Variants in PXDNL observed in about 807,000 individuals in gnomAD.
The protein encoded by PXDNL is probable oxidoreductase PXDNL.
Under a neutral mutation model 150.8 loss-of-function variants are expected in PXDNL, and 145 were observed. The observed-to-expected ratio is 0.96, with a 90% CI of 0.84 to 1.10. The LOEUF (loss-of-function observed/expected upper bound fraction) is 1.10. PXDNL is among the 50% of genes least tolerant of loss of function. PXDNL has a pLI of 0.00. For missense variants in PXDNL, 2,087 were observed against 1,873.9 expected, an observed-to-expected ratio of 1.11 and a Z score of -2.10; for synonymous variants, 757 against 725.7, an observed-to-expected ratio of 1.04 and a Z score of -0.69.
intron 1 of PXDNL, among the ~76,000 whole-genome samples, chr8:51,749,342 A>T (rs2037018161): frequency 6.6e-6 from 1 of 152,188 alleles, no homozygotes; most frequent in African/African-American, 2.4e-5. Flanking sequence ...CACATCATAG[A>T]GTGTCCTTAC....
intron 8 of PXDNL, among the ~76,000 whole-genome samples, chr8:51,470,268 G>T (rs937125174): frequency 6.6e-6 from 1 of 151,938 alleles, no homozygotes; most frequent in Non-Finnish European, 1.5e-5. Context: ...ATTCATAATT[G>T]CCTTCTATAC....
chr8:51,501,847 G>A (rs1273937989), intron 4 of PXDNL, among the ~76,000 whole-genome samples: 1 of 152,220 alleles, frequency 6.6e-6, no homozygotes, highest in African/African-American at 2.4e-5. Flanking sequence ...GGCAGAGACT[G>A]GCTGCTGAAA....
intron 12 of PXDNL, among the ~76,000 whole-genome samples, chr8:51,446,151 C>T (rs1016349510): frequency 6.6e-6 from 1 of 152,170 alleles, no homozygotes; most frequent in Non-Finnish European, 1.5e-5. Context: ...GCATCATGAA[C>T]ATGTCAGCAT....
At chr8:51,692,239 A>G (rs1469867368) in intron 1 of PXDNL, among the ~76,000 whole-genome samples, 2 of 152,220 alleles carry the variant, frequency 1.3e-5, no homozygotes, top group East Asian at 3.9e-4. Context: ...TCCAATACCA[A>G]TTAGATTTGC....
chr8:51,461,513 CA>C (rs1436586957), intron 8 of PXDNL, among the ~76,000 whole-genome samples: 2 of 152,178 alleles, frequency 1.3e-5, no homozygotes, highest in Non-Finnish European at 2.9e-5. Flanking sequence ...ATCTGCTGGG[CA>C]AAAAACCCAA....
intron 4 of PXDNL, among the ~76,000 whole-genome samples, chr8:51,530,027 C>T (rs1811860619): frequency 1.3e-5 from 2 of 152,200 alleles, no homozygotes; most frequent in African/African-American, 2.4e-5. Context: ...TGAGGAAGCA[C>T]TCATCTAGGC....
At chr8:51,441,106 T>C (rs927090543) in intron 12 of PXDNL, among the ~76,000 whole-genome samples, 8 of 152,174 alleles carry the variant, frequency 5.3e-5, no homozygotes, top group African/African-American at 1.9e-4. Flanking sequence ...TCTGCCATAC[T>C]GTTCTAGTAA....
intron 17 of PXDNL, among the ~76,000 whole-genome samples, chr8:51,394,555 C>A (rs924347802): frequency 1.3e-5 from 2 of 152,156 alleles, no homozygotes; most frequent in Non-Finnish European, 2.9e-5. Context: ...GGCTAGTATA[C>A]CCTTGGACTT....
intron 1 of PXDNL, among the ~76,000 whole-genome samples, chr8:51,793,918 GA>G (rs200061972): frequency 1.3e-5 from 2 of 151,128 alleles, no homozygotes; most frequent in Non-Finnish European, 3.0e-5. Flanking sequence ...ACAAAAGATG[GA>G]AAAAAAAGTT....
intron 1 of PXDNL, among the ~76,000 whole-genome samples, chr8:51,723,702 G>C (rs1279350514): frequency 6.6e-6 from 1 of 152,220 alleles, no homozygotes; most frequent in Non-Finnish European, 1.5e-5. Context: ...TGGGCTGCGG[G>C]AGCACCAGCA....
chr8:51,763,820 GTAC>G (rs2037194931), intron 1 of PXDNL, among the ~76,000 whole-genome samples: 1 of 152,078 alleles, frequency 6.6e-6, no homozygotes, highest in South Asian at 2.1e-4. Flanking sequence ...GAATTAATAC[GTAC>G]TACTTTTTAT....
intron 12 of PXDNL, among the ~76,000 whole-genome samples, chr8:51,444,698 A>G (rs1179000537): frequency 2.6e-5 from 4 of 152,022 alleles, no homozygotes; most frequent in South Asian, 4.1e-4. Context: ...TACTGGGGGG[A>G]AAAATATTCC....
intron 11 of PXDNL, 108 bp from the exon 12 acceptor site, chr8:51,447,270 G>C (rs1563416016): frequency 8.7e-7 from 1 of 1,143,880 alleles, no homozygotes; most frequent in Non-Finnish European, 1.2e-6. Context: ...GAAATTCTCG[G>C]TGCTAGGGTG....
chr8:51,499,115 C>T (rs1157069402), intron 5 of PXDNL, among the ~76,000 whole-genome samples: 1 of 152,102 alleles, frequency 6.6e-6, no homozygotes, highest in East Asian at 1.9e-4. Flanking sequence ...ATACTAGATT[C>T]TGCTGTAAGG....
intron 1 of PXDNL, among the ~76,000 whole-genome samples, chr8:51,655,662 G>A (rs1815134937): frequency 6.6e-6 from 1 of 152,102 alleles, no homozygotes; most frequent in Non-Finnish European, 1.5e-5. Context: ...GCATCTCCAC[G>A]GGCATACTGT....
chr8:51,513,539 A>G (rs1811470054), intron 4 of PXDNL, among the ~76,000 whole-genome samples: 1 of 152,234 alleles, frequency 6.6e-6, no homozygotes, highest in Non-Finnish European at 1.5e-5. Flanking sequence ...AGAAACTTTT[A>G]AATAAGAAAG....
intron 2 of PXDNL, among the ~76,000 whole-genome samples, chr8:51,621,281 A>T (rs138882478): frequency 6.6e-6 from 1 of 152,334 alleles, no homozygotes; most frequent in African/African-American, 2.4e-5. Flanking sequence ...ATACACAAAC[A>T]TGTATTCTGT....
At position 51,578,077 on chromosome 8, in the gene PXDNL, AAAGAAAAAGAG is replaced by A. The variant is rs1338480632; in HGVS notation, c.308+14539_308+14549del. On this transcript the variant is annotated intron_variant, in intron 3 of 22. Coordinates refer to ENST00000356297, the MANE Select transcript of PXDNL (RefSeq NM_144651.5). ...AAGAAAGAAAGGAAAGAAAGAAAAG[AAAGAAAAAGAG>A]AAAGAAAGAAAGAAAAAGAAAGAAA... 9.1e-3 allele frequency among the ~76,000 whole-genome samples: 1,328 copies of A among 145,904 alleles called. 119 individuals carry two copies. The highest frequency in any genetic ancestry group is 0.035 in the African/African-American group (1,274 of 36,786).
chr8:51,321,930 A>G (rs989373009), intron 21 of PXDNL, among the ~76,000 whole-genome samples: 16 of 148,746 alleles, frequency 1.1e-4, no homozygotes, highest in African/African-American at 3.8e-4. Flanking sequence ...CAATGTGACT[A>G]TATTTGGGCA....
Sources: allele counts gnomAD v4.1 joint callset (sites outside exome capture counted in the v4.1 genomes callset), GRCh38; gene constraint gnomAD v4.1.1; transcripts MANE v1.5; gene names NCBI Gene and HGNC (gene_info 2026-07-23, HGNC 2026-07-21).